DHX35: variants seen among roughly 807,000 people sequenced by gnomAD.
The protein encoded by DHX35 is DEAH-box helicase 35, also known as probable ATP-dependent RNA helicase DHX35.
DHX35 carries 84 observed loss-of-function variants against 99.6 expected under a neutral mutation model. That is an observed-to-expected ratio of 0.84 (90% CI 0.71 to 1.01). DHX35 has a LOEUF of 1.01. Ranked by LOEUF, DHX35 falls within the 50% of genes least tolerant of loss-of-function variation. The pLI, the probability that DHX35 is intolerant of heterozygous loss-of-function variation, is 0.00. For missense variants in DHX35, 852 were observed against 888.5 expected (o/e 0.96, Z 0.52); for synonymous variants, 331 against 316.2 (o/e 1.05, Z -0.50).
chr20:38,983,621 C>A, intron 3 of DHX35, 78 bp from the exon 4 acceptor site: 1 of 1,195,790 alleles, frequency 8.4e-7, no homozygotes, highest in Admixed American at 1.9e-5. Context: ...GATTTTAACA[C>A]AATACGGGAG....
intron 13 of DHX35, among the ~76,000 whole-genome samples, chr20:39,013,810 C>T (rs1394049984): frequency 6.6e-6 from 1 of 152,210 alleles, no homozygotes; most frequent in Non-Finnish European, 1.5e-5. Context: ...ACATGATTTG[C>T]TCAATGGTGA....
chr20:38,974,572 A>C (rs2086048646), intron 3 of DHX35, among the ~76,000 whole-genome samples: 1 of 152,174 alleles, frequency 6.6e-6, no homozygotes, highest in African/African-American at 2.4e-5. Context: ...TTTTTCCTAT[A>C]TTATTGATGG....
chr20:39,020,656 CTTTTTT>C (rs57246257), intron 15 of DHX35, among the ~76,000 whole-genome samples: 5 of 105,224 alleles, frequency 4.8e-5, no homozygotes, highest in Admixed American at 3.2e-4. Flanking sequence ...AAACAGGATT[CTTTTTT>C]TTTTTTTTTT....
chr20:39,004,913 A>G (rs1381022648), intron 11 of DHX35, among the ~76,000 whole-genome samples: 2 of 152,186 alleles, frequency 1.3e-5, no homozygotes, highest in African/African-American at 4.8e-5. Context: ...ATGGAGCAAC[A>G]TGAGTCTGCC....
At chr20:39,033,193 A>G (rs2087086662) in intron 20 of DHX35, among the ~76,000 whole-genome samples, 1 of 152,056 alleles carries the variant, frequency 6.6e-6, no homozygotes. Flanking sequence ...CCATGATTGC[A>G]CCACTGCACT....
intron 2 of DHX35, among the ~76,000 whole-genome samples, chr20:38,970,070 T>G (rs2085970780): frequency 6.6e-6 from 1 of 152,062 alleles, no homozygotes; most frequent in Non-Finnish European, 1.5e-5. Flanking sequence ...CTGTGTTCTA[T>G]CTATCTGTCT....
intron 1 of DHX35, chr20:38,962,716 C>T: frequency 2.4e-6 from 1 of 418,436 alleles, no homozygotes; most frequent in South Asian, 3.4e-5. Flanking sequence ...CCTAAAGCTC[C>T]CTCTCGTGTC....
intron 1 of DHX35, 62 bp downstream of exon 1, chr20:38,962,469 G>C: frequency 6.3e-7 from 1 of 1,578,638 alleles, no homozygotes; most frequent in South Asian, 1.1e-5. Flanking sequence ...TGGCGCCGCG[G>C]CCGGCGCCCT....
chr20:39,028,640 T>G lies in DHX35; in HGVS notation c.1883+141T>G, dbSNP rs1600450428. 3 of 925,536 alleles carry G rather than the reference T, an allele frequency of 3.2e-6. No individual in the cohort carries two copies. In the East Asian group the frequency reaches 7.8e-5, roughly 24 times the overall value. The allele number at this position is 925,536 out of a possible 1,614,324, so 57.3% of individuals were successfully genotyped here. ...GTCTCCTTCCAAAACTGAGTTGAGG[T>G]TAGCGACATAGCTTTAAGCAAAATA... On this transcript the variant is annotated intron_variant, in intron 19 of 21. Coordinates refer to ENST00000252011, the MANE Select transcript of DHX35 (RefSeq NM_021931.4).
chr20:38,983,754 C>T lies in DHX35; in HGVS notation c.323C>T (p.Pro108Leu). The T allele has an allele frequency of 6.2e-7, 1 of 1,614,048 alleles. No individual in the cohort carries two copies. The change falls in exon 4 of 22, where the codon CCT becomes CTT. Residue 108 changes from proline (P) to leucine (L), a missense_variant. Physicochemically the swap from Pro to Leu is moderately conservative, Grantham distance 98. Transcript: ENST00000252011. Reference sequence around the variant, plus strand: ...GGAAGAGTGGTAGGAGTGACCCAGCCTCGAAGAGTGGCTGCTGTTACAGTG... The same window carrying T: ...GGAAGAGTGGTAGGAGTGACCCAGCTTCGAAGAGTGGCTGCTGTTACAGTG... ...AEGRVVGVTQ[P>L]RRVAAVTVAG...
Position 39,003,847 on chromosome 20 carries a change from A to C in DHX35, c.951A>C (p.Ala317=), listed in dbSNP as rs760527092. ...KRHLRVLPMY[A]GLPSFEQMKV... ...ACCTCCGAGTTCTCCCCATGTATGC[A>C]GGACTGCCTTCCTTTGAGCAAATGA... The change falls in exon 11 of 22, where the codon GCA becomes GCC. Residue 317 remains alanine, a synonymous_variant. Coordinates refer to ENST00000252011, the MANE Select transcript of DHX35 (RefSeq NM_021931.4). The C allele has an allele frequency of 1.9e-6, 3 of 1,614,106 alleles. No homozygotes were observed. The highest frequency in any genetic ancestry group is 2.5e-6 in the Non-Finnish European group (3 of 1,180,056).
Position 39,003,846 on chromosome 20 carries a change from C to T in DHX35, c.950C>T (p.Ala317Val). 1 of 1,614,202 alleles carries T rather than the reference C, an allele frequency of 6.2e-7. No individual in the cohort carries two copies. The change falls in exon 11 of 22, where the codon GCA (alanine) becomes GTA (valine). Residue 317 changes from alanine to valine, a missense_variant. Transcript: ENST00000252011. Reference protein sequence around the residue: ...KRHLRVLPMYAGLPSFEQMKV... With the variant: ...KRHLRVLPMYVGLPSFEQMKV... ...CACCTCCGAGTTCTCCCCATGTATG[C>T]AGGACTGCCTTCCTTTGAGCAAATG... is the stretch of plus-strand genomic sequence containing the variant.
At chr20:39,019,679 C>G (rs949883389) in intron 15 of DHX35, among the ~76,000 whole-genome samples, 3 of 152,162 alleles carry the variant, frequency 2.0e-5, no homozygotes, top group African/African-American at 7.2e-5. Flanking sequence ...AACATATTCA[C>G]CAACTCACCA....
chr20:39,024,140 T>A (rs972995370), intron 17 of DHX35, among the ~76,000 whole-genome samples: 1 of 152,256 alleles, frequency 6.6e-6, no homozygotes, highest in African/African-American at 2.4e-5. Flanking sequence ...GAGCAACTTG[T>A]AGTCCTGGGT....
Position 39,002,862 on chromosome 20 carries a change from TG to T in DHX35, c.848del (p.Gly283AlafsTer5). 6.2e-7 allele frequency: 1 copy of T among 1,614,066 alleles called. No homozygotes were observed. Among genetic ancestry groups the T allele is most frequent in the Non-Finnish European group, 8.5e-7 (1 of 1,179,892 alleles). On this transcript the variant is annotated frameshift_variant, in exon 10 of 22. Coordinates refer to ENST00000252011, the MANE Select transcript of DHX35 (RefSeq NM_021931.4). LOFTEE classifies it high-confidence loss of function. ...ACGGAGACGTTTTAGCATTTCTTAC[TG>T]GCCAGGTAATGCCACTGTACTTCTC... ...GDGDVLAFLT[G>X]QEEVETVVSM...
At position 39,004,369 on chromosome 20, in the gene DHX35, G is replaced by A. The variant is rs529952840; in HGVS notation, c.1011+462G>A. Among the ~76,000 whole-genome samples the A allele has an allele frequency of 5.3e-5, 8 of 152,250 alleles. No individual in the cohort carries two copies. In the East Asian group the frequency reaches 1.5e-3, roughly 29 times the overall value. On this transcript the variant is annotated intron_variant, in intron 11 of 21. Coordinates refer to ENST00000252011, the MANE Select transcript of DHX35 (RefSeq NM_021931.4). ...CGTCAGCCACCGTGCCCGGCCTGTT[G>A]TGAAGATTCTAAACCTGTCCCACTG...
At chr20:39,008,156 G>A (rs1292769208) in intron 12 of DHX35, among the ~76,000 whole-genome samples, 1 of 152,158 alleles carries the variant, frequency 6.6e-6, no homozygotes, top group Non-Finnish European at 1.5e-5. Context: ...GTGACCTTTT[G>A]TGTCTGGCTT....
At chr20:38,972,083 A>T (rs983723167) in intron 2 of DHX35, among the ~76,000 whole-genome samples, 2 of 134,792 alleles carry the variant, frequency 1.5e-5, no homozygotes, top group African/African-American at 5.7e-5. Context: ...GTCTCGCCTC[A>T]CTGCAGCCTC....
Position 39,010,260 on chromosome 20 carries a change from TTC to T in DHX35, c.1223-18_1223-17del. The T allele has an allele frequency of 6.2e-7, 1 of 1,614,054 alleles. No individual in the cohort carries two copies. Among genetic ancestry groups the T allele is most frequent in the South Asian group, 1.1e-5 (1 of 91,084 alleles). Reference sequence around the variant, plus strand: ...GATTGTGACATTTGGTCCCAAACAGTTCTGATTTCCTATCCTCAGAGGAAGCC... The same window carrying T: ...GATTGTGACATTTGGTCCCAAACAGTTGATTTCCTATCCTCAGAGGAAGCC... On this transcript the variant is annotated intron_variant, in intron 12 of 21. Coordinates refer to ENST00000252011, the MANE Select transcript of DHX35 (RefSeq NM_021931.4).
Sources: gnomAD v4.1 joint callset for allele counts (sites outside exome capture counted in the v4.1 genomes callset) on GRCh38, gnomAD v4.1.1 for gene constraint, MANE v1.5 for transcripts, NCBI Gene and HGNC (gene_info 2026-07-23, HGNC 2026-07-21) for gene names.